FOXN2: variants seen among roughly 807,000 people sequenced by gnomAD.
FOXN2 encodes forkhead box N2, also known as forkhead box protein N2.
FOXN2 carries 19 observed loss-of-function variants against 41.2 expected under a neutral mutation model. The observed-to-expected ratio is 0.46, with a 90% confidence interval of 0.32 to 0.68. The LOEUF (loss-of-function observed/expected upper bound fraction) is 0.68, where lower values mean the gene tolerates loss of function less well. FOXN2 is among the 30% of genes least tolerant of loss of function. The pLI, the probability that FOXN2 is intolerant of heterozygous loss-of-function variation, is 0.03. For missense variants in FOXN2, 587 were observed against 509.4 expected (o/e 1.15, Z -1.47); for synonymous variants, 195 against 176.8 (o/e 1.10, Z -0.82).
intron 4 of FOXN2, among the ~76,000 whole-genome samples, chr2:48,359,903 A>G (rs1369166764): frequency 1.3e-5 from 2 of 152,150 alleles, no homozygotes; most frequent in Non-Finnish European, 2.9e-5. Flanking sequence ...TAAGTTTGTC[A>G]TTATAACATT....
In FOXN2 at chr2:48,373,791, C is replaced by T. The variant is rs546263521; in HGVS notation, c.772+431C>T. Among the ~76,000 whole-genome samples, 5 of 152,152 alleles carry T rather than the reference C, an allele frequency of 3.3e-5. No homozygotes were observed. The East Asian group carries it at 7.7e-4, about 23-fold the overall frequency. On this transcript the variant is annotated intron_variant, in intron 6 of 6. Coordinates refer to ENST00000340553, the MANE Select transcript of FOXN2 (RefSeq NM_002158.4). ...CATTCTGGTCAGGCATGGTGGCTCA[C>T]GTCTGTAATCCTAGCACTTTTGGGA...
intron 2 of FOXN2, among the ~76,000 whole-genome samples, chr2:48,339,985 A>T (rs1311407720): frequency 6.6e-6 from 1 of 152,220 alleles, no homozygotes; most frequent in Non-Finnish European, 1.5e-5. Flanking sequence ...ATGGGGGAAA[A>T]AACAAGTCTC....
chr2:48,375,601 A>C lies in FOXN2; in HGVS notation c.*158A>C, dbSNP rs1272933629. 4.4e-6 allele frequency: 3 copies of C among 677,178 alleles called. No individual in the cohort carries two copies. The highest frequency in any genetic ancestry group is 5.5e-5 in the East Asian group (2 of 36,340). The allele number at this position is 677,178 out of a possible 1,614,324, so 41.9% of individuals were successfully genotyped here. A position where few individuals can be genotyped will look rare whatever the true frequency, so the allele number is the denominator to read the frequency against. ...TTGGTTTTTAAAATTTTTATTAAACAATTGCTGTTAGGATCATGCCTGATC... is the reference window on the plus strand; with the variant it reads ...TTGGTTTTTAAAATTTTTATTAAACCATTGCTGTTAGGATCATGCCTGATC... On this transcript the variant is annotated 3_prime_UTR_variant, in exon 7 of 7. Transcript: ENST00000340553.
intron 6 of FOXN2, 59 bp from the exon 7 acceptor site, chr2:48,374,861 T>C: frequency 7.1e-7 from 1 of 1,411,578 alleles, no homozygotes. Flanking sequence ...AGTTTAAAAT[T>C]GGTCTGTTTT....
chr2:48,362,044 A>G (rs768350177), intron 4 of FOXN2, among the ~76,000 whole-genome samples: 1 of 152,210 alleles, frequency 6.6e-6, no homozygotes, highest in African/African-American at 2.4e-5. Flanking sequence ...AATTATCACA[A>G]CAGCCTATGT....
rs749375891 is a variant in FOXN2 at position 48,356,189 on chromosome 2, C to T, written c.538-2858C>T. Among the ~76,000 whole-genome samples, 47 of 152,120 alleles carry T rather than the reference C, an allele frequency of 3.1e-4. 1 individual carries two copies. The highest frequency in any genetic ancestry group is 2.7e-3 in the Admixed American group (41 of 15,276). The stretch of plus-strand genomic sequence containing the variant: ...AGGCGTGGTGGCTCACGCCTGTAAT[C>T]CCAACACTTTGGGAGCCGAGGCAGG... On this transcript the variant is annotated intron_variant, in intron 3 of 6. Coordinates refer to ENST00000340553, the MANE Select transcript of FOXN2 (RefSeq NM_002158.4).
intron 1 of FOXN2, among the ~76,000 whole-genome samples, chr2:48,317,313 G>A (rs1024079902): frequency 1.3e-5 from 2 of 151,896 alleles, no homozygotes; most frequent in African/African-American, 4.8e-5. Context: ...GCTGGGCCTC[G>A]TGGGGCATGC....
intron 3 of FOXN2, 56 bp downstream of exon 3, chr2:48,346,807 G>C: frequency 7.1e-7 from 1 of 1,410,048 alleles, no homozygotes; most frequent in Non-Finnish European, 9.4e-7. Flanking sequence ...AATTAACATG[G>C]AGCCCTTAAA....
chr2:48,322,773 A>T (rs916060332), intron 1 of FOXN2, among the ~76,000 whole-genome samples: 1 of 148,538 alleles, frequency 6.7e-6, no homozygotes, highest in Non-Finnish European at 1.5e-5. Flanking sequence ...TATATAATAC[A>T]ATATATATAT....
Position 48,379,133 on chromosome 2 carries a change from C to G in FOXN2, c.*3690C>G, listed in dbSNP as rs1009952697. On this transcript the variant is annotated 3_prime_UTR_variant, in exon 7 of 7. Coordinates refer to ENST00000340553, the MANE Select transcript of FOXN2 (RefSeq NM_002158.4). ...TAGATGACCAGTCACAAGTGAACCA[C>G]TTCTCAGTTGCCAATCTTTGCTCAT... The G allele has an allele frequency of 1.4e-4, 22 of 152,766 alleles. No individual in the cohort carries two copies. The highest frequency in any genetic ancestry group is 4.8e-4 in the African/African-American group (20 of 41,584). 9.5% of individuals were successfully genotyped at this position (152,766 alleles called of 1,614,324 possible).
rs1329995953 is a variant in FOXN2 at position 48,376,616 on chromosome 2, GA to G, written c.*1174del. The G allele has an allele frequency of 6.6e-6, 1 of 152,400 alleles. No homozygotes were observed. Among genetic ancestry groups the G allele is most frequent in the Non-Finnish European group, 1.5e-5 (1 of 67,908 alleles). The allele number at this position is 152,400 out of a possible 1,614,324, so 9.4% of individuals were successfully genotyped here. ...ACAACCTATAGTGCCATTGATCCAT[GA>G]GAAAAAGATTTTCTGGTACTACTCC... On this transcript the variant is annotated 3_prime_UTR_variant, in exon 7 of 7. Transcript: ENST00000340553.
chr2:48,355,236 T>G (rs1324420296), intron 3 of FOXN2, among the ~76,000 whole-genome samples: 1 of 152,166 alleles, frequency 6.6e-6, no homozygotes, highest in Non-Finnish European at 1.5e-5. Context: ...TTTAATGTAA[T>G]TAATCTGAGT....
intron 2 of FOXN2, among the ~76,000 whole-genome samples, chr2:48,341,117 G>A (rs1670737158): frequency 6.6e-6 from 1 of 151,670 alleles, no homozygotes; most frequent in Non-Finnish European, 1.5e-5. Context: ...AATTTTATGT[G>A]GTTCATTGAA....
chr2:48,321,946 A>G (rs181656043), intron 1 of FOXN2, among the ~76,000 whole-genome samples: 4 of 152,296 alleles, frequency 2.6e-5, no homozygotes, highest in Non-Finnish European at 5.9e-5. Context: ...TAGAATAGCA[A>G]GTAAGTTCCT....
At chr2:48,367,318 T>G (rs1300381762) in intron 5 of FOXN2, among the ~76,000 whole-genome samples, 1 of 152,144 alleles carries the variant, frequency 6.6e-6, no homozygotes, top group African/African-American at 2.4e-5. Flanking sequence ...CAGACAAAAA[T>G]GGAACTCACA....
intron 5 of FOXN2, among the ~76,000 whole-genome samples, chr2:48,363,648 T>G (rs1003067440): frequency 6.6e-6 from 1 of 152,246 alleles, no homozygotes; most frequent in Admixed American, 6.5e-5. Flanking sequence ...GTTTTTATTG[T>G]ACCCCCTTTT....
At chr2:48,342,449 A>C (rs535378507) in intron 2 of FOXN2, among the ~76,000 whole-genome samples, 1 of 152,270 alleles carries the variant, frequency 6.6e-6, no homozygotes, top group South Asian at 2.1e-4. Context: ...ACACATTTGG[A>C]ATTGTTGGGT....
chr2:48,319,757 C>T (rs539189313), intron 1 of FOXN2, among the ~76,000 whole-genome samples: 129 of 147,964 alleles, frequency 8.7e-4, no homozygotes, highest in African/African-American at 3.0e-3. Context: ...ACCACAGGGG[C>T]GCTCCACCAC....
chr2:48,355,367 T>G (rs1318556376), intron 3 of FOXN2, among the ~76,000 whole-genome samples: 1 of 152,038 alleles, frequency 6.6e-6, no homozygotes, highest in Non-Finnish European at 1.5e-5. Flanking sequence ...TCTTACAATT[T>G]TAAAAAAGGG....
Sources: gnomAD v4.1 joint callset for allele counts (sites outside exome capture counted in the v4.1 genomes callset) on GRCh38, gnomAD v4.1.1 for gene constraint, MANE v1.5 for transcripts, NCBI Gene and HGNC (gene_info 2026-07-23, HGNC 2026-07-21) for gene names.